Variants in JPH3 observed in about 807,000 individuals in gnomAD.
JPH3 encodes junctophilin-3.
Under a neutral mutation model 59.6 loss-of-function variants are expected in JPH3, and 11 were observed. The observed-to-expected ratio is 0.18, with a 90% CI of 0.12 to 0.31. JPH3 has a LOEUF of 0.31. Among genes scored for constraint, JPH3 ranks in the 10% least tolerant of loss-of-function variants. The pLI, the probability that JPH3 is intolerant of heterozygous loss-of-function variation, is 1.00. For missense variants in JPH3, 1,202 were observed against 1,105.7 expected, an observed-to-expected ratio of 1.09 and a Z score of -1.24; for synonymous variants, 673 against 483.6, an observed-to-expected ratio of 1.39 and a Z score of -5.14.
At position 87,684,203 on chromosome 16, in the gene JPH3, G is replaced by C; in HGVS notation, c.1222G>C (p.Glu408Gln). Residue 408 changes from glutamate (E) to glutamine (Q), a missense_variant, in exon 3 of 5, where the codon GAG (glutamate) becomes CAG (glutamine). Coordinates refer to ENST00000284262, the MANE Select transcript of JPH3 (RefSeq NM_020655.4). ...CACAGCAGCTCAGAAAGCCCAGGAG[G>C]AGGCGCGGATCGCCAGGATCACTGC... ...ALTAAQKAQE[E>Q]ARIARITAKE... is the part of the protein sequence containing the mutation. 6.2e-7 allele frequency: 1 copy of C among 1,613,992 alleles called. No homozygotes were observed. Among genetic ancestry groups the C allele is most frequent in the South Asian group, 1.1e-5 (1 of 91,084 alleles).
intron 4 of JPH3, among the ~76,000 whole-genome samples, chr16:87,690,919 C>G (rs138148905): frequency 3.9e-4 from 60 of 152,320 alleles, no homozygotes; most frequent in African/African-American, 1.1e-3. Flanking sequence ...GATAGGAACC[C>G]AGAGGCGAAA....
chr16:87,650,117 C>G lies in JPH3; in HGVS notation c.1160+5082C>G, dbSNP rs151155166. On this transcript the variant is annotated intron_variant, in intron 2 of 4. Transcript: ENST00000284262. Reference sequence around the variant, plus strand: ...TTTACACATTGGAGGTTTGTGGCACCCGTGCATGGGGCAAGCCTCTTGGTG... The same window carrying G: ...TTTACACATTGGAGGTTTGTGGCACGCGTGCATGGGGCAAGCCTCTTGGTG... Among the ~76,000 whole-genome samples, 327 of 152,278 alleles carry G rather than the reference C, an allele frequency of 2.1e-3. 4 individuals carry two copies. Among genetic ancestry groups the G allele is most frequent in the African/African-American group, 7.2e-3 (301 of 41,542 alleles).
intron 2 of JPH3, among the ~76,000 whole-genome samples, chr16:87,668,241 C>G (rs1038237568): frequency 6.6e-6 from 1 of 152,164 alleles, no homozygotes; most frequent in Non-Finnish European, 1.5e-5. Context: ...ATCTGGAGGC[C>G]GGAGCCGGCA....
chr16:87,617,978 C>G (rs1031884583), intron 1 of JPH3, among the ~76,000 whole-genome samples: 4 of 152,044 alleles, frequency 2.6e-5, no homozygotes, highest in African/African-American at 9.6e-5. Flanking sequence ...GCCTGGGCAT[C>G]ATAACGAAGC....
chr16:87,606,731 T>A (rs2030535415), intron 1 of JPH3, among the ~76,000 whole-genome samples: 1 of 152,182 alleles, frequency 6.6e-6, no homozygotes, highest in Non-Finnish European at 1.5e-5. Context: ...TACCGTTAGT[T>A]TTTTCATTAC....
chr16:87,694,923 C>T (rs1297599631), intron 4 of JPH3: 1 of 233,598 alleles, frequency 4.3e-6, no homozygotes, highest in South Asian at 6.0e-5. Flanking sequence ...TTGCACGGCC[C>T]ATGTCTTCCC....
rs1479739871 is a variant in JPH3, at chr16:87,644,719, G to GCCACCA, written c.850_855dup (p.Thr284_Thr285dup). On this transcript the variant is annotated inframe_insertion, in exon 2 of 5. Transcript: ENST00000284262. ...GGCGGTCATCGAGGACGACATCGAC[G>GCCACCA]CCACCACCACCGAGACCTACGTGGG... The GCCACCA allele has an allele frequency of 6.2e-7, 1 of 1,609,432 alleles. No individual in the cohort carries two copies. The highest frequency in any genetic ancestry group is 8.5e-7 in the Non-Finnish European group (1 of 1,178,874).
At chr16:87,609,100 G>C (rs1234607097) in intron 1 of JPH3, among the ~76,000 whole-genome samples, 2 of 152,214 alleles carry the variant, frequency 1.3e-5, no homozygotes, top group Non-Finnish European at 2.9e-5. Flanking sequence ...GCTCCAGGAA[G>C]GGCTGCCACT....
At chr16:87,637,401 A>C (rs966264192) in intron 1 of JPH3, among the ~76,000 whole-genome samples, 5 of 136,454 alleles carry the variant, frequency 3.7e-5, no homozygotes, top group Non-Finnish European at 7.8e-5. Flanking sequence ...GGAGAGAGAG[A>C]GAGAGAGAGA....
chr16:87,696,226 C>T, intron 4 of JPH3: 1 of 438,552 alleles, frequency 2.3e-6, no homozygotes, highest in Non-Finnish European at 4.4e-6. Flanking sequence ...TGCTGACTGG[C>T]ACAAAGGCCA....
chr16:87,635,200 G>T (rs1205076485), intron 1 of JPH3, among the ~76,000 whole-genome samples: 1 of 152,124 alleles, frequency 6.6e-6, no homozygotes, highest in Non-Finnish European at 1.5e-5. Context: ...CGTTCACCTT[G>T]CCCCACCCTG....
rs532139814 is a variant in JPH3, at chr16:87,603,066, C to A, written c.-81C>A. ...TCCGGAAAACGCTCGCGACCCAGGG[C>A]CGCCGGCGGCCGCGACTCTGCTGTG... On this transcript the variant is annotated 5_prime_UTR_variant, in exon 1 of 5. Coordinates refer to ENST00000284262, the MANE Select transcript of JPH3 (RefSeq NM_020655.4). 2 of 1,576,790 alleles carry A rather than the reference C, an allele frequency of 1.3e-6. No homozygotes were observed. The highest frequency in any genetic ancestry group is 8.7e-7 in the Non-Finnish European group (1 of 1,155,970).
At chr16:87,667,514 G>A (rs942124452) in intron 2 of JPH3, among the ~76,000 whole-genome samples, 8 of 152,210 alleles carry the variant, frequency 5.3e-5, no homozygotes, top group East Asian at 1.9e-4. Flanking sequence ...AGTCGGGAGC[G>A]TGAGGACCCT....
At chr16:87,661,933 A>C (rs4843662) in intron 2 of JPH3, among the ~76,000 whole-genome samples, 49,013 of 152,114 alleles carry the variant, frequency 0.32, 8,556 homozygotes, top group South Asian at 0.44. Context: ...CACGTACGCC[A>C]CCACTACTCC....
Position 87,696,705 on chromosome 16 carries a change from G to T in JPH3, c.*45G>T. The T allele has an allele frequency of 6.6e-7, 1 of 1,513,862 alleles. No individual in the cohort carries two copies. Among genetic ancestry groups the T allele is most frequent in the Non-Finnish European group, 9.2e-7 (1 of 1,091,610 alleles). The allele number at this position is 1,513,862 out of a possible 1,614,324, so 93.8% of individuals were successfully genotyped here. Reference sequence around the variant, plus strand: ...AAATAGAGAAAGGGTAGAAAAAAGGGACATTAAAATTAAAAGCAAAACCAC... The same window carrying T: ...AAATAGAGAAAGGGTAGAAAAAAGGTACATTAAAATTAAAAGCAAAACCAC... On this transcript the variant is annotated 3_prime_UTR_variant, in exon 5 of 5. Coordinates refer to ENST00000284262, the MANE Select transcript of JPH3 (RefSeq NM_020655.4).
At chr16:87,648,636 T>C (rs1335488228) in intron 2 of JPH3, among the ~76,000 whole-genome samples, 2 of 141,842 alleles carry the variant, frequency 1.4e-5, no homozygotes, top group Non-Finnish European at 3.2e-5. Context: ...GGTCCTGCAC[T>C]GCTAAGGGGA....
intron 3 of JPH3, among the ~76,000 whole-genome samples, chr16:87,688,207 G>A (rs756682542): frequency 1.6e-4 from 24 of 151,952 alleles, no homozygotes; most frequent in Non-Finnish European, 2.8e-4. Flanking sequence ...CCACACCCCC[G>A]TGTGACAGGA....
intron 2 of JPH3, among the ~76,000 whole-genome samples, chr16:87,647,072 G>C (rs942211418): frequency 3.9e-5 from 6 of 152,170 alleles, no homozygotes; most frequent in African/African-American, 1.4e-4. Flanking sequence ...CTGAAGGCCT[G>C]TGAAGCTTAG....
In JPH3 at chr16:87,690,517, G is replaced by C. The variant is rs2033541690; in HGVS notation, c.2157G>C (p.Lys719Asn). The C allele has an allele frequency of 6.8e-7, 1 of 1,472,478 alleles. No homozygotes were observed. 91.2% of individuals were successfully genotyped at this position (1,472,478 alleles called of 1,614,324 possible). A position where few individuals can be genotyped will look rare whatever the true frequency, so the allele number is the denominator to read the frequency against. The change falls in exon 4 of 5, where the codon AAG becomes AAC. Residue 719 changes from lysine (K) to asparagine (N), a missense_variant. Lys to Asn is a moderately conservative substitution (Grantham distance 94). Transcript: ENST00000284262. ...ACGAGGAGAATGGGGATGAGCTCAA[G>C]TCCAGTACGGTGAGTGGGCGGCCAC... The part of the protein sequence containing the change: ...ESDEENGDEL[K>N]SSTGSAPILV...
Sources: allele counts gnomAD v4.1 joint callset (sites outside exome capture counted in the v4.1 genomes callset), GRCh38; gene constraint gnomAD v4.1.1; transcripts MANE v1.5; gene names NCBI Gene and HGNC (gene_info 2026-07-23, HGNC 2026-07-21).